The following KALRN variants were observed in gnomAD, a reference collection of about 807,000 sequenced individuals.
The protein encoded by KALRN is kalirin RhoGEF kinase, also known as kalirin.
KALRN carries 70 observed loss-of-function variants against 353.7 expected under a neutral mutation model. The observed-to-expected ratio is 0.20, with a 90% confidence interval of 0.16 to 0.24. The LOEUF (loss-of-function observed/expected upper bound fraction) is 0.24, where lower values mean the gene tolerates loss of function less well. Ranked by LOEUF, KALRN falls within the 10% of genes least tolerant of loss-of-function variation. The probability of loss-of-function intolerance (pLI) is 1.00; values close to 1 mark genes in which losing one functional copy is unlikely to be tolerated. For missense variants in KALRN, 2,791 were observed against 3,756.7 expected, an observed-to-expected ratio of 0.74 and a Z score of 6.72; for synonymous variants, 1,391 against 1,434.8, an observed-to-expected ratio of 0.97 and a Z score of 0.69.
At chr3:124,256,984 T>G (rs1241340708) in intron 3 of KALRN, among the ~76,000 whole-genome samples, 1 of 152,188 alleles carries the variant, frequency 6.6e-6, no homozygotes, top group Non-Finnish European at 1.5e-5. Flanking sequence ...GCTCAGTCTT[T>G]GCAAAAAGAA....
At chr3:124,552,429 A>T (rs1468191291) in intron 33 of KALRN, among the ~76,000 whole-genome samples, 1 of 152,198 alleles carries the variant, frequency 6.6e-6, no homozygotes, top group African/African-American at 2.4e-5. Context: ...GCCTCTTTCC[A>T]GGAATTAGTT....
intron 3 of KALRN, among the ~76,000 whole-genome samples, chr3:124,237,182 A>C (rs1340948046): frequency 6.6e-6 from 1 of 152,220 alleles, no homozygotes; most frequent in Non-Finnish European, 1.5e-5. Flanking sequence ...CTTTGTAGCC[A>C]TGGCTTTGGA....
At chr3:124,493,949 G>A (rs2063444277) in intron 32 of KALRN, among the ~76,000 whole-genome samples, 1 of 152,214 alleles carries the variant, frequency 6.6e-6, no homozygotes, top group South Asian at 2.1e-4. Flanking sequence ...GTGGACTAAA[G>A]TCTAGCAGTG....
chr3:124,066,820 G>A (rs1451063282), intron 1 of KALRN, among the ~76,000 whole-genome samples: 1 of 152,178 alleles, frequency 6.6e-6, no homozygotes, highest in Non-Finnish European at 1.5e-5. Context: ...GTGATGGAAG[G>A]GCAAACAGGA....
chr3:124,059,068 AG>A (rs1235890622), intron 1 of KALRN, among the ~76,000 whole-genome samples: 5 of 152,160 alleles, frequency 3.3e-5, no homozygotes, highest in Non-Finnish European at 5.9e-5. Flanking sequence ...AAGAAAAAAA[AG>A]GAATTGTGTA....
intron 1 of KALRN, among the ~76,000 whole-genome samples, chr3:124,053,502 A>G (rs921420646): frequency 6.6e-6 from 1 of 152,200 alleles, no homozygotes; most frequent in Non-Finnish European, 1.5e-5. Context: ...CAAGCCTGAC[A>G]TCATAGGAAT....
Position 124,661,909 on chromosome 3 carries a change from G to A in KALRN, c.6326G>A (p.Gly2109Glu). Reference sequence around the variant, plus strand: ...CGCTGCAATGACATGATGAATCTAGGACGTCTGCAGGGCTTTGAGGTGAGT... The same window carrying A: ...CGCTGCAATGACATGATGAATCTAGAACGTCTGCAGGGCTTTGAGGTGAGT... Reference protein sequence around the residue: ...PKRCNDMMNLGRLQGFEGTLT... With the variant: ...PKRCNDMMNLERLQGFEGTLT... Residue 2109 changes from glycine (G) to glutamate (E), a missense_variant, in exon 45 of 60, where the codon GGA (glycine) becomes GAA (glutamate). By Grantham distance (98) the Gly-to-Glu change is moderately conservative (BLOSUM62 -2). Coordinates refer to ENST00000682506, the MANE Select transcript of KALRN (RefSeq NM_001388419.1). 1 of 1,614,022 alleles carries A rather than the reference G, an allele frequency of 6.2e-7. No homozygotes were observed. The highest frequency in any genetic ancestry group is 8.5e-7 in the Non-Finnish European group (1 of 1,179,932).
chr3:124,420,008 A>AG (rs1270485648), intron 14 of KALRN, among the ~76,000 whole-genome samples: 1 of 151,952 alleles, frequency 6.6e-6, no homozygotes, highest in Admixed American at 6.6e-5. Context: ...GCAGTGGGAG[A>AG]GGGGGTAATT....
chr3:124,668,123 G>A (rs377601144), intron 47 of KALRN, among the ~76,000 whole-genome samples: 3 of 145,672 alleles, frequency 2.1e-5, no homozygotes, highest in Non-Finnish European at 4.5e-5. Context: ...ACCTCTTCCT[G>A]CCTGTCCTGA....
chr3:124,581,065 T>C (rs1263324501), intron 34 of KALRN, among the ~76,000 whole-genome samples: 1 of 152,146 alleles, frequency 6.6e-6, no homozygotes, highest in African/African-American at 2.4e-5. Flanking sequence ...TCTTGGGTTA[T>C]TGGTGTCTAA....
intron 5 of KALRN, among the ~76,000 whole-genome samples, chr3:124,280,555 G>A (rs2075246332): frequency 6.6e-6 from 1 of 152,170 alleles, no homozygotes; most frequent in African/African-American, 2.4e-5. Context: ...AGTTTTTCAA[G>A]TGGATGAGGG....
intron 19 of KALRN, among the ~76,000 whole-genome samples, chr3:124,443,430 C>T (rs2093731622): frequency 6.6e-6 from 1 of 152,164 alleles, no homozygotes; most frequent in African/African-American, 2.4e-5. Flanking sequence ...GCTCAGATAG[C>T]TCAAGAGTTG....
intron 33 of KALRN, among the ~76,000 whole-genome samples, chr3:124,559,026 TA>T (rs1322232263): frequency 2.0e-5 from 3 of 152,220 alleles, no homozygotes; most frequent in African/African-American, 7.2e-5. Flanking sequence ...ATTAATCATG[TA>T]AAAATAGACC....
chr3:124,647,132 C>T (rs1194579835), intron 37 of KALRN, among the ~76,000 whole-genome samples: 1 of 152,018 alleles, frequency 6.6e-6, no homozygotes, highest in African/African-American at 2.4e-5. Context: ...GGTTCAAACT[C>T]CTGAGCTCAA....
chr3:124,430,045 A>C (rs2093201001), intron 15 of KALRN, among the ~76,000 whole-genome samples: 1 of 152,216 alleles, frequency 6.6e-6, no homozygotes, highest in African/African-American at 2.4e-5. Flanking sequence ...GTACTGTGAT[A>C]GGTACTATGT....
intron 1 of KALRN, among the ~76,000 whole-genome samples, chr3:124,078,583 T>G (rs1030640492): frequency 3.3e-4 from 50 of 151,920 alleles, no homozygotes; most frequent in African/African-American, 1.1e-3. Flanking sequence ...CGGGAGACAC[T>G]GAGGAGGATA....
At chr3:124,318,287 T>TA (rs1192976540) in intron 6 of KALRN, among the ~76,000 whole-genome samples, 2 of 152,162 alleles carry the variant, frequency 1.3e-5, no homozygotes, top group Non-Finnish European at 2.9e-5. Context: ...CCTGATCAGA[T>TA]AGTCATCAAT....
chr3:124,054,590 C>A (rs1194661648), intron 1 of KALRN, among the ~76,000 whole-genome samples: 1 of 152,118 alleles, frequency 6.6e-6, no homozygotes, highest in Non-Finnish European at 1.5e-5. Flanking sequence ...CTTCATGGTG[C>A]TCAGTTAGCC....
chr3:124,175,325 G>A (rs920015700), intron 1 of KALRN, among the ~76,000 whole-genome samples: 11 of 151,638 alleles, frequency 7.3e-5, no homozygotes, highest in South Asian at 6.2e-4. Flanking sequence ...TCCAGGATGC[G>A]GAGATGCGCG....
Sources: gnomAD v4.1 joint callset for allele counts (sites outside exome capture counted in the v4.1 genomes callset) on GRCh38, gnomAD v4.1.1 for gene constraint, MANE v1.5 for transcripts, NCBI Gene and HGNC (gene_info 2026-07-23, HGNC 2026-07-21) for gene names.